The following MTHFSD variants were observed in gnomAD, a reference collection of about 807,000 sequenced individuals.
The protein encoded by MTHFSD is methenyltetrahydrofolate synthase domain-containing protein.
In MTHFSD, 37 loss-of-function variants were observed where a neutral mutation model predicts 31.1. The observed-to-expected ratio is 1.19, with a 90% CI of 0.91 to 1.56. MTHFSD has a LOEUF of 1.56. Among genes scored for constraint, MTHFSD ranks in the 40% most tolerant of loss-of-function variants. The pLI is 0.00. For synonymous variants in MTHFSD, 221 were observed against 206.9 expected (o/e 1.07, Z -0.59); for missense variants, 664 against 510.1 (o/e 1.30, Z -2.91).
intron 4 of MTHFSD, chr16:86,547,625 C>T (rs1367595031): frequency 1.1e-6 from 1 of 890,114 alleles, no homozygotes; most frequent in Admixed American, 6.1e-5. Context: ...ATGCTTTCGT[C>T]TCAGTTTTCT....
At chr16:86,552,313 C>T (rs1317779965) in intron 2 of MTHFSD, 167 bp from the exon 3 acceptor site, 25 of 1,538,158 alleles carry the variant, frequency 1.6e-5, no homozygotes, top group Non-Finnish European at 2.0e-5. Flanking sequence ...TGCAATCGCA[C>T]GTTACTGAAA....
chr16:86,554,827 A>T, intron 1 of MTHFSD, 76 bp from the exon 2 acceptor site: 1 of 1,316,380 alleles, frequency 7.6e-7, no homozygotes, highest in Non-Finnish European at 1.1e-6. Context: ...AACAGTAGTT[A>T]AGCGACCCCC....
chr16:86,541,602 TG>T, intron 7 of MTHFSD, 94 bp downstream of exon 7: 1 of 1,514,868 alleles, frequency 6.6e-7, no homozygotes, highest in East Asian at 2.4e-5. Flanking sequence ...ACAGCCATGC[TG>T]GGATTGCCAA....
intron 7 of MTHFSD, chr16:86,533,727 C>T (rs1453400230): frequency 6.6e-6 from 1 of 152,200 alleles, no homozygotes; most frequent in Non-Finnish European, 1.5e-5. Flanking sequence ...TGTACAATTT[C>T]CCAGGGTCGA....
At chr16:86,552,292 C>T in intron 2 of MTHFSD, 146 bp from the exon 3 acceptor site, 1 of 1,570,496 alleles carries the variant, frequency 6.4e-7, no homozygotes, top group Middle Eastern at 1.7e-4. Flanking sequence ...TGAGAAGCGC[C>T]CTGTTTCCAA....
Position 86,532,399 on chromosome 16 carries a change from A to G in MTHFSD, c.764T>C (p.Leu255Pro). The G allele has an allele frequency of 1.3e-6, 2 of 1,539,392 alleles. No individual in the cohort carries two copies. The highest frequency in any genetic ancestry group is 1.7e-6 in the Non-Finnish European group (2 of 1,144,904). ...CGGAAGGTGCTGGTGCTCACCCTGG[A>G]GGGTGACATCCTTCCCAGCCTGCTG... Reference protein sequence around the residue: ...REQQAGKDVTLQGEHQHLPEP... With the variant: ...REQQAGKDVTPQGEHQHLPEP... Residue 255 changes from leucine (L) to proline (P), a missense_variant, in exon 8 of 8, where the codon CTC becomes CCC. Coordinates refer to ENST00000360900, the MANE Select transcript of MTHFSD (RefSeq NM_001159377.2).
At position 86,542,026 on chromosome 16, in the gene MTHFSD, G is replaced by A. The variant is rs2143602944; in HGVS notation, c.555+75C>T. 7 of 1,426,478 alleles carry A rather than the reference G, an allele frequency of 4.9e-6. No individual in the cohort carries two copies. The highest frequency in any genetic ancestry group is 4.6e-5 in the East Asian group (2 of 43,578). 88.4% of individuals were successfully genotyped at this position (1,426,478 alleles called of 1,614,324 possible). On this transcript the variant is annotated intron_variant, in intron 6 of 7. Coordinates refer to ENST00000360900, the MANE Select transcript of MTHFSD (RefSeq NM_001159377.2). The surrounding 1 kb of genome is among the most constrained non-coding windows in gnomAD (Gnocchi z 4.6). ...CACACAGCATGGTTCAGAAGCAGAT[G>A]AGTCTCCTTCCCCACCCCCTGCTCC...
chr16:86,551,996 G>A (rs757341283), intron 3 of MTHFSD, 37 bp downstream of exon 3: 45 of 1,612,644 alleles, frequency 2.8e-5, no homozygotes, highest in African/African-American at 6.7e-5. Flanking sequence ...CCCCCTTGGC[G>A]GCCAGGTCTC....
intron 7 of MTHFSD, among the ~76,000 whole-genome samples, chr16:86,536,170 A>G (rs1167467700): frequency 6.6e-6 from 1 of 152,232 alleles, no homozygotes; most frequent in African/African-American, 2.4e-5. Context: ...AGACATCAGA[A>G]GTATTTCTAA....
chr16:86,552,323 A>C (rs1327738868), intron 2 of MTHFSD, 177 bp from the exon 3 acceptor site: 1 of 1,521,338 alleles, frequency 6.6e-7, no homozygotes, highest in Non-Finnish European at 8.9e-7. Flanking sequence ...CGTTACTGAA[A>C]GGACAGCACG....
In MTHFSD at chr16:86,548,596, T is replaced by C; in HGVS notation, c.238-19A>G. On this transcript the variant is annotated intron_variant, in intron 3 of 7. Coordinates refer to ENST00000360900, the MANE Select transcript of MTHFSD (RefSeq NM_001159377.2). ...TTTTGCTCTTTTAAAGAAAAGACAA[T>C]CAATAAATTACAAAATCAAATTATT... 1 of 1,574,078 alleles carries C rather than the reference T, an allele frequency of 6.4e-7. No individual in the cohort carries two copies. Among genetic ancestry groups the C allele is most frequent in the Non-Finnish European group, 8.7e-7 (1 of 1,153,878 alleles).
chr16:86,554,590 ATTCAT>A, intron 2 of MTHFSD, 50 bp downstream of exon 2: 1 of 1,282,528 alleles, frequency 7.8e-7, no homozygotes, highest in Non-Finnish European at 1.1e-6. Flanking sequence ...TACTAGTGTT[ATTCAT>A]TTAAGAATAT....
intron 3 of MTHFSD, among the ~76,000 whole-genome samples, chr16:86,550,056 C>T (rs1298702466): frequency 2.0e-5 from 3 of 152,182 alleles, no homozygotes; most frequent in Non-Finnish European, 4.4e-5. Context: ...CCCAGCACTG[C>T]GGACTGTCCA....
rs543868394 is a variant in MTHFSD, at chr16:86,541,954, C to T, written c.556-132G>A. 88 of 1,388,000 alleles carry T rather than the reference C, an allele frequency of 6.3e-5. No individual in the cohort carries two copies. In the African/African-American group the frequency reaches 6.7e-4, roughly 11 times the overall value. 86.0% of individuals were successfully genotyped at this position (1,388,000 alleles called of 1,614,324 possible). ...ATCCACTCTGGGGCTAAGGCTTAGC[C>T]GCTGTACCACTAGCAAGTCCAGCCC... On this transcript the variant is annotated intron_variant, in intron 6 of 7. Transcript: ENST00000360900.
intron 7 of MTHFSD, among the ~76,000 whole-genome samples, chr16:86,534,360 G>A (rs919704697): frequency 3.3e-5 from 5 of 152,150 alleles, no homozygotes; most frequent in African/African-American, 1.2e-4. Flanking sequence ...TGATGTGCAC[G>A]GAAGGATATA....
At chr16:86,541,065 G>A (rs1283399491) in intron 7 of MTHFSD, 1 of 1,241,180 alleles carries the variant, frequency 8.1e-7, no homozygotes, top group Non-Finnish European at 1.0e-6. Flanking sequence ...CAGTAGTTTT[G>A]TCCACACGAA....
rs2143237891 is a variant in MTHFSD at position 86,530,224 on chromosome 16, GT to G, written c.*1786del. ...TTTTATTTCAGGCACTTGCTCTTCA[GT>G]TTTTCTTACACGATGTTCCACAAAT... On this transcript the variant is annotated 3_prime_UTR_variant, in exon 8 of 8. Coordinates refer to ENST00000360900, the MANE Select transcript of MTHFSD (RefSeq NM_001159377.2). 6.6e-6 allele frequency: 1 copy of G among 152,310 alleles called. No homozygotes were observed. Among genetic ancestry groups the G allele is most frequent in the African/African-American group, 2.4e-5 (1 of 41,552 alleles). The allele number at this position is 152,310 out of a possible 1,614,324, so 9.4% of individuals were successfully genotyped here.
intron 5 of MTHFSD, among the ~76,000 whole-genome samples, chr16:86,544,216 T>G (rs1346935343): frequency 2.6e-5 from 4 of 152,208 alleles, no homozygotes; most frequent in Non-Finnish European, 5.9e-5. Flanking sequence ...CGGTCCCTGG[T>G]GCCAAAAAGT....
At position 86,532,454 on chromosome 16, in the gene MTHFSD, G is replaced by A. The variant is rs1970102018; in HGVS notation, c.709C>T (p.Pro237Ser). The A allele has an allele frequency of 4.8e-6, 7 of 1,444,068 alleles. No homozygotes were observed. Among genetic ancestry groups the A allele is most frequent in the Non-Finnish European group, 6.4e-6 (7 of 1,095,908 alleles). 89.5% of individuals were successfully genotyped at this position (1,444,068 alleles called of 1,614,324 possible). Residue 237 changes from proline to serine, a missense_variant, in exon 8 of 8, where the codon CCC (proline) becomes TCC (serine). Transcript: ENST00000360900. Reference protein sequence around the residue: ...KISLEMMEKIPILRSLRAREQ... With the variant: ...KISLEMMEKISILRSLRAREQ... ...CGGGCGCGGAGGCTCCTCAGTATGG[G>A]GATTTTCTCCATCATCTCCAGGCTG...
Sources: allele counts gnomAD v4.1 joint callset (sites outside exome capture counted in the v4.1 genomes callset), GRCh38; gene constraint gnomAD v4.1.1; non-coding constraint Gnocchi (gnomAD v3.1); transcripts MANE v1.5; gene names NCBI Gene and HGNC (gene_info 2026-07-23, HGNC 2026-07-21).